Variants in SV2C observed in about 807,000 individuals in gnomAD.
The protein encoded by SV2C is synaptic vesicle glycoprotein 2C.
Under a neutral mutation model 79.7 loss-of-function variants are expected in SV2C, and 49 were observed. That is an observed-to-expected ratio of 0.61 (90% confidence interval 0.49 to 0.78). The LOEUF (loss-of-function observed/expected upper bound fraction) is 0.78. Among genes scored for constraint, SV2C ranks in the 30% least tolerant of loss-of-function variants. SV2C has a pLI of 0.00. For synonymous variants in SV2C, 334 were observed against 333.2 expected, an observed-to-expected ratio of 1.00 and a Z score of -0.03; for missense variants, 833 against 912.9, an observed-to-expected ratio of 0.91 and a Z score of 1.13.
At chr5:76,148,067 A>G (rs187487896) in intron 2 of SV2C, among the ~76,000 whole-genome samples, 136 of 152,342 alleles carry the variant, frequency 8.9e-4, no homozygotes, top group African/African-American at 3.1e-3. Flanking sequence ...TATATATTAA[A>G]TAAGAGCAAA....
chr5:76,132,283 G>T lies in SV2C; in HGVS notation c.533G>T (p.Ser178Ile). The change falls in exon 2 of 13, where the codon AGT becomes ATT. Residue 178 changes from serine to isoleucine, a missense_variant. By Grantham distance (142) the Ser-to-Ile change is moderately radical. Transcript: ENST00000502798. ...EVFVVGFVLP[S>I]AETDLCIPNS... Reference sequence around the variant, plus strand: ...TTTGTCGTTGGCTTCGTGTTACCCAGTGCTGAGACAGACCTCTGCATCCCA... The same window carrying T: ...TTTGTCGTTGGCTTCGTGTTACCCATTGCTGAGACAGACCTCTGCATCCCA... The T allele has an allele frequency of 6.2e-7, 1 of 1,613,948 alleles. No homozygotes were observed.
At chr5:75,923,681 C>T in the SV2C span, among the ~76,000 whole-genome samples, 1 of 152,080 alleles carries the variant, frequency 6.6e-6, no homozygotes, top group Admixed American at 6.5e-5. Context: ...CGCTAATCAT[C>T]AGGGAAATGA....
intron 3 of SV2C, among the ~76,000 whole-genome samples, chr5:76,206,234 G>A (rs1358605216): frequency 6.6e-6 from 1 of 152,156 alleles, no homozygotes; most frequent in Non-Finnish European, 1.5e-5. Context: ...TATGTTGTAA[G>A]ACCTGAAAGC....
At chr5:76,309,785 G>A (rs914723359) in intron 12 of SV2C, among the ~76,000 whole-genome samples, 3 of 152,086 alleles carry the variant, frequency 2.0e-5, no homozygotes, top group Non-Finnish European at 2.9e-5. Flanking sequence ...GTTTCTGCGT[G>A]TACAGTTGAG....
At chr5:76,325,294 T>C in intron 12 of SV2C, 70 bp from the exon 13 acceptor site, 4 of 1,481,328 alleles carry the variant, frequency 2.7e-6, no homozygotes, top group South Asian at 1.2e-5. Context: ...AAATCTAGGA[T>C]CTTTTGGTCT....
the SV2C span, among the ~76,000 whole-genome samples, chr5:75,873,800 G>A: frequency 6.6e-6 from 1 of 152,028 alleles, no homozygotes; most frequent in Non-Finnish European, 1.5e-5. Context: ...ACATAAACTA[G>A]AAGAAAGAGA....
the SV2C span, among the ~76,000 whole-genome samples, chr5:75,888,161 T>G: frequency 1.3e-5 from 2 of 152,146 alleles, no homozygotes; most frequent in South Asian, 4.1e-4. Flanking sequence ...TTGTGTAAAT[T>G]TTAAACCTGA....
the SV2C span, among the ~76,000 whole-genome samples, chr5:75,995,008 G>A: frequency 6.6e-6 from 1 of 152,144 alleles, no homozygotes; most frequent in East Asian, 1.9e-4. Context: ...AGAATCAGGA[G>A]CTCCCATGTC....
At chr5:75,983,587 T>C in the SV2C span, among the ~76,000 whole-genome samples, 1 of 134,496 alleles carries the variant, frequency 7.4e-6, no homozygotes, top group Non-Finnish European at 1.6e-5. Flanking sequence ...TGCAAAATTA[T>C]GGGCCAGCTT....
chr5:76,342,586 G>A (rs1269513588), intron 12 of SV2C, among the ~76,000 whole-genome samples: 6 of 152,218 alleles, frequency 3.9e-5, no homozygotes, highest in Non-Finnish European at 2.9e-5. Flanking sequence ...CTCTGGAGCT[G>A]GTAAAGGTGG....
chr5:76,169,852 A>G (rs1233232394), intron 2 of SV2C, among the ~76,000 whole-genome samples: 1 of 152,210 alleles, frequency 6.6e-6, no homozygotes, highest in Non-Finnish European at 1.5e-5. Flanking sequence ...AGTGGTGTCA[A>G]TTTGTGGAGA....
At chr5:76,303,340 C>T (rs111332071) in intron 12 of SV2C, among the ~76,000 whole-genome samples, 2 of 152,334 alleles carry the variant, frequency 1.3e-5, no homozygotes, top group South Asian at 2.1e-4. Flanking sequence ...CTTTCATCAA[C>T]CTCTCATTCT....
At chr5:75,959,093 T>A in the SV2C span, among the ~76,000 whole-genome samples, 1 of 151,958 alleles carries the variant, frequency 6.6e-6, no homozygotes, top group Non-Finnish European at 1.5e-5. Context: ...TTTTCATTTT[T>A]TATTAAGCAA....
intron 1 of SV2C, among the ~76,000 whole-genome samples, chr5:76,101,353 G>C (rs1386929389): frequency 2.6e-5 from 4 of 152,136 alleles, no homozygotes; most frequent in Non-Finnish European, 4.4e-5. Context: ...ACAGCCTTGA[G>C]GTAGAAATAC....
chr5:76,316,525 G>C (rs984263045), intron 12 of SV2C, among the ~76,000 whole-genome samples: 1 of 152,152 alleles, frequency 6.6e-6, no homozygotes, highest in Non-Finnish European at 1.5e-5. Context: ...ATGGTTATAC[G>C]TGCACTTTGG....
chr5:76,254,275 T>G lies in SV2C; in HGVS notation c.914-30887T>G, dbSNP rs965471478. The stretch of plus-strand genomic sequence containing the variant: ...ATATATATAGAGAGAGAGAGAGAGA[T>G]ATTAAAAATTTAAAAATAAATGTAA... On this transcript the variant is annotated intron_variant, in intron 4 of 12. Coordinates refer to ENST00000502798, the MANE Select transcript of SV2C (RefSeq NM_014979.4). 1.3e-4 allele frequency among the ~76,000 whole-genome samples: 19 copies of G among 147,052 alleles called. No individual in the cohort carries two copies. The East Asian group carries it at 2.0e-3, about 15-fold the overall frequency.
intron 12 of SV2C, among the ~76,000 whole-genome samples, chr5:76,323,472 G>C (rs1384089720): frequency 6.6e-6 from 1 of 152,236 alleles, no homozygotes; most frequent in African/African-American, 2.4e-5. Flanking sequence ...GTGGAAGACA[G>C]TACAGCGATT....
At chr5:76,252,182 C>T (rs977314955) in intron 4 of SV2C, among the ~76,000 whole-genome samples, 7 of 152,166 alleles carry the variant, frequency 4.6e-5, no homozygotes, top group South Asian at 2.1e-4. Flanking sequence ...TACAATGGTG[C>T]GATCTTGGCT....
chr5:75,917,882 T>A, the SV2C span, among the ~76,000 whole-genome samples: 1 of 152,206 alleles, frequency 6.6e-6, no homozygotes, highest in Non-Finnish European at 1.5e-5. Context: ...TCATTCTCCA[T>A]GATGTTATTT....
Sources: gnomAD v4.1 joint callset for allele counts (sites outside exome capture counted in the v4.1 genomes callset) on GRCh38, gnomAD v4.1.1 for gene constraint, MANE v1.5 for transcripts, NCBI Gene and HGNC (gene_info 2026-07-23, HGNC 2026-07-21) for gene names.